Variants in HNRNPC observed in about 807,000 individuals in gnomAD.
HNRNPC encodes the protein heterogeneous nuclear ribonucleoproteins C1/C2.
HNRNPC carries 3 observed loss-of-function variants against 33.2 expected under a neutral mutation model. The ratio of observed to expected loss-of-function variants is 0.09; its 90% CI spans 0.04 to 0.23. The LOEUF is 0.23. HNRNPC is among the 10% of genes least tolerant of loss of function. HNRNPC has a pLI of 1.00. For synonymous variants in HNRNPC, 121 were observed against 126.7 expected (o/e 0.96, Z 0.30); for missense variants, 143 against 366.7 (o/e 0.39, Z 4.98).
At position 21,255,905 on chromosome 14, in the gene HNRNPC, TAA is replaced by T. The variant is rs527988863; in HGVS notation, c.-37+7404_-37+7405del. Among the ~76,000 whole-genome samples, 54 of 152,048 alleles carry T rather than the reference TAA, an allele frequency of 3.6e-4. No homozygotes were observed. The East Asian group carries it at 9.9e-3, about 28-fold the overall frequency. Reference sequence around the variant, plus strand: ...CATCACTAAGGGGGTAGCTTCTGAGTAAAAAGTCTCAGAGGAACTGAGGAACC... The same window carrying T: ...CATCACTAAGGGGGTAGCTTCTGAGTAAAGTCTCAGAGGAACTGAGGAACC... On this transcript the variant is annotated intron_variant, in intron 2 of 8. Coordinates refer to ENST00000553300, the MANE Select transcript of HNRNPC (RefSeq NM_004500.4).
intron 2 of HNRNPC, among the ~76,000 whole-genome samples, chr14:21,258,097 T>C (rs1877535968): frequency 6.6e-6 from 1 of 152,174 alleles, no homozygotes; most frequent in African/African-American, 2.4e-5. Flanking sequence ...AAAATCTGTT[T>C]TTCTAGAATG....
At chr14:21,242,455 G>A (rs1185444267) in intron 2 of HNRNPC, among the ~76,000 whole-genome samples, 1 of 152,212 alleles carries the variant, frequency 6.6e-6, no homozygotes, top group South Asian at 2.1e-4. Flanking sequence ...CTGCACTCCT[G>A]TCTGGTCGTC....
chr14:21,253,171 T>C (rs1896853869), intron 2 of HNRNPC, among the ~76,000 whole-genome samples: 2 of 139,748 alleles, frequency 1.4e-5, no homozygotes, highest in African/African-American at 5.4e-5. Context: ...AGACTCTGTC[T>C]TTAAAAAAAA....
At chr14:21,260,199 C>CAA (rs539169114) in intron 2 of HNRNPC, among the ~76,000 whole-genome samples, 75 of 94,978 alleles carry the variant, frequency 7.9e-4, no homozygotes, top group African/African-American at 2.6e-3. Flanking sequence ...GACTCCATCT[C>CAA]AAAAAAAAAA....
chr14:21,241,597 A>G (rs1895350787), intron 2 of HNRNPC, among the ~76,000 whole-genome samples: 1 of 152,138 alleles, frequency 6.6e-6, no homozygotes, highest in Non-Finnish European at 1.5e-5. Context: ...TATTTTGCCT[A>G]TTTAGGTCCG....
intron 2 of HNRNPC, among the ~76,000 whole-genome samples, chr14:21,236,715 G>T (rs1370790967): frequency 6.6e-6 from 1 of 152,094 alleles, no homozygotes; most frequent in Non-Finnish European, 1.5e-5. Flanking sequence ...GTATCATACA[G>T]GTGAAATTTC....
intron 5 of HNRNPC, 98 bp downstream of exon 5, chr14:21,230,221 T>C: frequency 1.2e-6 from 1 of 800,744 alleles, no homozygotes. Flanking sequence ...GGGGAGTATG[T>C]TTGAAAACAT....
chr14:21,259,599 A>C (rs1877823147), intron 2 of HNRNPC, among the ~76,000 whole-genome samples: 1 of 152,174 alleles, frequency 6.6e-6, no homozygotes, highest in South Asian at 2.1e-4. Flanking sequence ...AGAAGCTAGA[A>C]ACCAGCAATC....
chr14:21,226,304 C>T (rs1188054760), intron 5 of HNRNPC, among the ~76,000 whole-genome samples: 3 of 132,766 alleles, frequency 2.3e-5, no homozygotes, highest in African/African-American at 8.6e-5. Context: ...GCCCGGGAGA[C>T]AGCACGAGAC....
chr14:21,261,315 T>C (rs1176055754), intron 2 of HNRNPC, among the ~76,000 whole-genome samples: 2 of 152,078 alleles, frequency 1.3e-5, no homozygotes, highest in Non-Finnish European at 2.9e-5. Context: ...AAGGAATAAA[T>C]CAAACTGAAC....
At chr14:21,231,132 A>G in intron 3 of HNRNPC, 60 bp from the exon 4 acceptor site, 4 of 1,498,070 alleles carry the variant, frequency 2.7e-6, no homozygotes. Flanking sequence ...ACAAACTACA[A>G]AGTTTATTTT....
At chr14:21,267,778 C>A (rs892754304) in intron 1 of HNRNPC, among the ~76,000 whole-genome samples, 2 of 152,156 alleles carry the variant, frequency 1.3e-5, no homozygotes, top group Non-Finnish European at 2.9e-5. Context: ...AAGTGCCCGT[C>A]AATCAATTTC....
At chr14:21,247,054 TA>T (rs1264527379) in intron 2 of HNRNPC, among the ~76,000 whole-genome samples, 1 of 152,218 alleles carries the variant, frequency 6.6e-6, no homozygotes, top group African/African-American at 2.4e-5. Context: ...GAGTTCAAAG[TA>T]ATATGTGGAT....
At chr14:21,215,011 T>C (rs1198214117) in intron 5 of HNRNPC, among the ~76,000 whole-genome samples, 1 of 152,230 alleles carries the variant, frequency 6.6e-6, no homozygotes, top group East Asian at 1.9e-4. Flanking sequence ...TTCTGTACTA[T>C]CACTGGAATT....
intron 5 of HNRNPC, among the ~76,000 whole-genome samples, chr14:21,224,205 C>G (rs1893158937): frequency 6.6e-6 from 1 of 152,036 alleles, no homozygotes; most frequent in Non-Finnish European, 1.5e-5. Context: ...CTCCTTCAAC[C>G]CATATTGTTA....
At chr14:21,267,234 A>G (rs1879177212) in intron 1 of HNRNPC, among the ~76,000 whole-genome samples, 1 of 152,170 alleles carries the variant, frequency 6.6e-6, no homozygotes, top group Admixed American at 6.6e-5. Context: ...AAAAAGTCTA[A>G]GTCCCCTTAT....
chr14:21,259,402 G>T (rs1007301156), intron 2 of HNRNPC, among the ~76,000 whole-genome samples: 3 of 152,062 alleles, frequency 2.0e-5, no homozygotes, highest in African/African-American at 7.2e-5. Flanking sequence ...AAGAGGGCAG[G>T]GGACATGTTT....
chr14:21,244,284 G>A (rs1895694773), intron 2 of HNRNPC, among the ~76,000 whole-genome samples: 1 of 152,204 alleles, frequency 6.6e-6, no homozygotes, highest in Admixed American at 6.5e-5. Context: ...ATAGGCGTGA[G>A]CCCCCACGCC....
chr14:21,238,364 T>A (rs1894958440), intron 2 of HNRNPC, among the ~76,000 whole-genome samples: 1 of 152,156 alleles, frequency 6.6e-6, no homozygotes, highest in Non-Finnish European at 1.5e-5. Context: ...ATGAACTACA[T>A]AAAAATCATT....
Sources: allele counts gnomAD v4.1 joint callset (sites outside exome capture counted in the v4.1 genomes callset), GRCh38; gene constraint gnomAD v4.1.1; transcripts MANE v1.5; gene names NCBI Gene and HGNC (gene_info 2026-07-23, HGNC 2026-07-21).